The following AP3D1 variants were observed in gnomAD, a reference collection of about 807,000 sequenced individuals.
The protein encoded by AP3D1 is adaptor related protein complex 3 subunit delta 1.
AP3D1 carries 51 observed loss-of-function variants against 147.6 expected under a neutral mutation model. That is an observed-to-expected ratio of 0.35 (90% CI 0.28 to 0.44). AP3D1 has a LOEUF of 0.44. AP3D1 is among the 20% of genes least tolerant of loss of function. The pLI is 1.00. For synonymous variants in AP3D1, 760 were observed against 663.0 expected (o/e 1.15, Z -2.25); for missense variants, 1,421 against 1,624.2 (o/e 0.87, Z 2.15).
intron 1 of AP3D1, among the ~76,000 whole-genome samples, chr19:2,140,871 G>A (rs1473366367): frequency 4.1e-5 from 6 of 147,728 alleles, no homozygotes; most frequent in Non-Finnish European, 8.9e-5. Flanking sequence ...TGATTCTCCT[G>A]GCTCAGCCTC....
At chr19:2,150,481 C>T (rs1197011291) in intron 1 of AP3D1, among the ~76,000 whole-genome samples, 1 of 152,224 alleles carries the variant, frequency 6.6e-6, no homozygotes, top group Non-Finnish European at 1.5e-5. Flanking sequence ...ACTATTTCCT[C>T]GCCCTGGCTT....
In AP3D1 at chr19:2,132,316, C is replaced by T. The variant is rs543364664; in HGVS notation, c.462+155G>A. On this transcript the variant is annotated intron_variant, in intron 5 of 31. Transcript: ENST00000643116. ...AACCAAAGCGGCCCAAGAGCCGCTC[C>T]ACCAGCTGACAGTGATTTGGTTCCC... Among the ~76,000 whole-genome samples, 460 of 152,382 alleles carry T rather than the reference C, an allele frequency of 3.0e-3. 2 individuals carry two copies. The highest frequency in any genetic ancestry group is 5.0e-3 in the Non-Finnish European group (341 of 68,038).
chr19:2,122,880 G>A (rs2018649828), intron 11 of AP3D1, among the ~76,000 whole-genome samples: 1 of 152,206 alleles, frequency 6.6e-6, no homozygotes, highest in African/African-American at 2.4e-5. Context: ...AAGGTACCAG[G>A]CAGGGGCCGC....
chr19:2,135,609 G>A (rs892681274), intron 4 of AP3D1, among the ~76,000 whole-genome samples: 1 of 152,090 alleles, frequency 6.6e-6, no homozygotes, highest in Non-Finnish European at 1.5e-5. Flanking sequence ...CCTACACAGA[G>A]GAAGCAGGTG....
chr19:2,114,056 G>T lies in AP3D1; in HGVS notation c.2601+69C>A, dbSNP rs1207406614. On this transcript the variant is annotated intron_variant, in intron 22 of 31. Coordinates refer to ENST00000643116, the MANE Select transcript of AP3D1 (RefSeq NM_001261826.3). ...CACAGCCATTTCCCCTGAGCTCACCGCTGTCTCCTGGGAGTTCACGGCAAG... is the reference window on the plus strand; with the variant it reads ...CACAGCCATTTCCCCTGAGCTCACCTCTGTCTCCTGGGAGTTCACGGCAAG... The T allele has an allele frequency of 2.0e-6, 3 of 1,502,710 alleles. No individual in the cohort carries two copies. The East Asian group carries it at 7.2e-5, about 36-fold the overall frequency. The allele number at this position is 1,502,710 out of a possible 1,614,324, so 93.1% of individuals were successfully genotyped here.
At chr19:2,104,144 A>G (rs1367994398) in intron 31 of AP3D1, among the ~76,000 whole-genome samples, 1 of 120,884 alleles carries the variant, frequency 8.3e-6, no homozygotes, top group Non-Finnish European at 2.0e-5. Context: ...CCCAACGCCA[A>G]GACACCAACA....
chr19:2,119,442 C>T (rs2018548776), intron 14 of AP3D1, among the ~76,000 whole-genome samples: 1 of 151,706 alleles, frequency 6.6e-6, no homozygotes, highest in African/African-American at 2.4e-5. Context: ...GCCTGTAATC[C>T]CAGCACTTTG....
chr19:2,111,235 C>T (rs1274835213), intron 26 of AP3D1, 50 bp downstream of exon 26: 2 of 1,609,946 alleles, frequency 1.2e-6, no homozygotes, highest in African/African-American at 1.3e-5. Flanking sequence ...GATCCCATGC[C>T]AAAGAGTGTG....
At chr19:2,117,580 G>A (rs560194045) in intron 15 of AP3D1, among the ~76,000 whole-genome samples, 1 of 152,366 alleles carries the variant, frequency 6.6e-6, no homozygotes, top group African/African-American at 2.4e-5. Context: ...ACAGAACAGA[G>A]ATGGGGGCAC....
intron 31 of AP3D1, 64 bp from the exon 32 acceptor site, chr19:2,102,332 G>T: frequency 1.4e-6 from 2 of 1,427,022 alleles, no homozygotes; most frequent in Non-Finnish European, 2.0e-6. Flanking sequence ...GGTGGCTCAA[G>T]TCTGTGATCC....
In AP3D1 at chr19:2,121,324, G is replaced by A. The variant is rs1396803344; in HGVS notation, c.1102-13C>T. The A allele has an allele frequency of 6.2e-7, 1 of 1,613,772 alleles. No homozygotes were observed. Among genetic ancestry groups the A allele is most frequent in the African/African-American group, 1.3e-5 (1 of 74,936 alleles). Reference sequence around the variant, plus strand: ...TCTTCTTGGACACCTGGGCAAAAGTGTACAGACAGTGGTGAGAGCGGACCC... The same window carrying A: ...TCTTCTTGGACACCTGGGCAAAAGTATACAGACAGTGGTGAGAGCGGACCC... On this transcript the variant is annotated splice_polypyrimidine_tract_variant and intron_variant, in intron 12 of 31. Coordinates refer to ENST00000643116, the MANE Select transcript of AP3D1 (RefSeq NM_001261826.3).
In AP3D1 at chr19:2,113,329, C is replaced by T; in HGVS notation, c.2679+7G>A. 2 of 1,241,156 alleles carry T rather than the reference C, an allele frequency of 1.6e-6. No individual in the cohort carries two copies. Among genetic ancestry groups the T allele is most frequent in the Non-Finnish European group, 1.1e-6 (1 of 926,180 alleles). 76.9% of individuals were successfully genotyped at this position (1,241,156 alleles called of 1,614,324 possible). A position where few individuals can be genotyped will look rare whatever the true frequency, so the allele number is the denominator to read the frequency against. On this transcript the variant is annotated splice_region_variant and intron_variant, in intron 23 of 31. Transcript: ENST00000643116. Reference sequence around the variant, plus strand: ...AGGCTGGCACTGGCCAGCTGCCAGTCTCTTACCGTGGATGGAACGGGGGCG... The same window carrying T: ...AGGCTGGCACTGGCCAGCTGCCAGTTTCTTACCGTGGATGGAACGGGGGCG...
At chr19:2,116,982 A>G (rs1414415534) in intron 16 of AP3D1, 9 of 790,866 alleles carry the variant, frequency 1.1e-5, no homozygotes, top group Admixed American at 3.3e-5. Flanking sequence ...GCTGCCTCAG[A>G]GCTTTATGGC....
At chr19:2,107,634 G>A (rs1425779351) in intron 31 of AP3D1, among the ~76,000 whole-genome samples, 1 of 151,940 alleles carries the variant, frequency 6.6e-6, no homozygotes, top group East Asian at 1.9e-4. Context: ...CAGCTACTTG[G>A]GAGGCTGAGG....
At position 2,116,700 on chromosome 19, in the gene AP3D1, A is replaced by G. The variant is rs1180568672; in HGVS notation, c.1906T>C (p.Ser636Pro). 1 of 1,611,294 alleles carries G rather than the reference A, an allele frequency of 6.2e-7. No homozygotes were observed. The highest frequency in any genetic ancestry group is 1.3e-5 in the African/African-American group (1 of 74,884). The change falls in exon 17 of 32, where the codon TCA becomes CCA. Residue 636 changes from serine (S) to proline (P), a missense_variant. By Grantham distance (74) the Ser-to-Pro change is moderately conservative. Around this residue, in one of 6 missense-constraint regions of AP3D1, gnomAD observed 791 missense variants for 761.4 expected, o/e 1.04. Transcript: ENST00000643116. ...ACGGCCCTGGGCCTCTCGTCCTCTG[A>G]CTCGCTGTCCGAGAGTGGCTCATTG... is the stretch of plus-strand genomic sequence containing the variant. The part of the protein sequence containing the change: ...WINEPLSDSE[S>P]EDERPRAVFH...
At chr19:2,113,931 CCT>C (rs2018359509) in intron 22 of AP3D1, among the ~76,000 whole-genome samples, 192 bp downstream of exon 22, 2 of 152,266 alleles carry the variant, frequency 1.3e-5, no homozygotes, top group Middle Eastern at 3.4e-3. Context: ...CTCAGTCTCC[CCT>C]GACACAAGTG....
At position 2,137,730 on chromosome 19, in the gene AP3D1, G is replaced by C. The variant is rs774227227; in HGVS notation, c.270C>G (p.Phe90Leu). The C allele has an allele frequency of 2.5e-6, 4 of 1,613,614 alleles. No individual in the cohort carries two copies. Among genetic ancestry groups the C allele is most frequent in the Non-Finnish European group, 3.4e-6 (4 of 1,179,620 alleles). Residue 90 changes from phenylalanine to leucine, a missense_variant, in exon 3 of 32, where the codon TTC becomes TTG. Physicochemically the swap from Phe to Leu is conservative, Grantham distance 22 (BLOSUM62 0). This residue lies in a region of AP3D1 where 292 missense variants were observed against 412.0 expected (regional missense o/e 0.71). Coordinates refer to ENST00000643116, the MANE Select transcript of AP3D1 (RefSeq NM_001261826.3). ...CCTTGCCGTCCCAGAACCTCACCTT[G>C]AAGGTGAACTTGGAGGCACTCATCA... ...IEVMSASKFT[F>L]KRIGYLAASQ...
intron 31 of AP3D1, among the ~76,000 whole-genome samples, chr19:2,104,294 G>A (rs922092518): frequency 3.1e-5 from 4 of 130,966 alleles, no homozygotes; most frequent in Non-Finnish European, 5.1e-5. Flanking sequence ...AGACCCCAAC[G>A]CCAAGACACC....
chr19:2,129,464 A>C lies in AP3D1; in HGVS notation c.593-7T>G, dbSNP rs1283677134. 1 of 1,612,834 alleles carries C rather than the reference A, an allele frequency of 6.2e-7. No homozygotes were observed. Among genetic ancestry groups the C allele is most frequent in the Non-Finnish European group, 8.5e-7 (1 of 1,179,200 alleles). On this transcript the variant is annotated splice_region_variant and splice_polypyrimidine_tract_variant and intron_variant, in intron 6 of 31. Transcript: ENST00000643116. Reference sequence around the variant, plus strand: ...ACGGCAGCCGACTGAACCCCTGGGGAACAAGGGGTTCTCATCAGCATGCCT... The same window carrying C: ...ACGGCAGCCGACTGAACCCCTGGGGCACAAGGGGTTCTCATCAGCATGCCT...
Sources: gnomAD v4.1 joint callset for allele counts (sites outside exome capture counted in the v4.1 genomes callset) on GRCh38, gnomAD v4.1.1 for gene constraint, gnomAD v4.1.1 regional missense constraint, MANE v1.5 for transcripts, NCBI Gene and HGNC (gene_info 2026-07-23, HGNC 2026-07-21) for gene names.